The following RSPO2 variants were observed in gnomAD, a reference collection of about 807,000 sequenced individuals.
RSPO2 encodes R-spondin-2.
In RSPO2, 14 loss-of-function variants were observed where a neutral mutation model predicts 30.9. The observed-to-expected ratio is 0.45, with a 90% CI of 0.30 to 0.71. The LOEUF (loss-of-function observed/expected upper bound fraction) is 0.71. Among genes scored for constraint, RSPO2 ranks in the 30% least tolerant of loss-of-function variants. RSPO2 has a pLI of 0.08. For synonymous variants in RSPO2, 107 were observed against 96.4 expected, an observed-to-expected ratio of 1.11 and a Z score of -0.64; for missense variants, 264 against 301.9, an observed-to-expected ratio of 0.87 and a Z score of 0.93.
At chr8:108,021,458 T>C (rs961577105) in intron 2 of RSPO2, among the ~76,000 whole-genome samples, 2 of 152,178 alleles carry the variant, frequency 1.3e-5, no homozygotes, top group African/African-American at 4.8e-5. Flanking sequence ...GGCCCATTCC[T>C]TTTCAGTTTA....
chr8:107,944,987 C>T (rs1388518788), intron 5 of RSPO2, among the ~76,000 whole-genome samples: 5 of 151,906 alleles, frequency 3.3e-5, no homozygotes, highest in African/African-American at 1.2e-4. Context: ...AAACTCTAGG[C>T]CTAGAGTTTC....
At position 107,922,118 on chromosome 8, in the gene RSPO2, A is replaced by C. The variant is rs1256881574; in HGVS notation, c.617-20928T>G. On this transcript the variant is annotated intron_variant, in intron 5 of 5. Transcript: ENST00000276659. Reference sequence around the variant, plus strand: ...CTGGCCAGAACAACCAGGCAAACAAAAGAAGTACAGGGCATCCAAATAAAA... The same window carrying C: ...CTGGCCAGAACAACCAGGCAAACAACAGAAGTACAGGGCATCCAAATAAAA... 2.0e-5 allele frequency among the ~76,000 whole-genome samples: 3 copies of C among 151,130 alleles called. No homozygotes were observed. In the East Asian group the frequency reaches 5.8e-4, roughly 29 times the overall value.
intron 5 of RSPO2, among the ~76,000 whole-genome samples, chr8:107,941,586 T>G (rs1347445079): frequency 2.6e-5 from 4 of 152,206 alleles, no homozygotes. Context: ...CATAAATTAC[T>G]TAAGATATAA....
intron 5 of RSPO2, among the ~76,000 whole-genome samples, chr8:107,922,161 A>G (rs908980593): frequency 6.6e-6 from 1 of 152,052 alleles, no homozygotes; most frequent in Non-Finnish European, 1.5e-5. Flanking sequence ...AAGTCAAACT[A>G]TCCCTATTTG....
intron 2 of RSPO2, among the ~76,000 whole-genome samples, chr8:108,059,552 C>G (rs1472948998): frequency 2.0e-5 from 3 of 150,718 alleles, no homozygotes; most frequent in African/African-American, 7.4e-5. Flanking sequence ...CACATGCACA[C>G]GTATGTTTAT....
intron 2 of RSPO2, among the ~76,000 whole-genome samples, chr8:108,074,502 AC>A (rs979303940): frequency 3.3e-5 from 5 of 152,232 alleles, no homozygotes; most frequent in African/African-American, 1.2e-4. Context: ...TTTAAAAATT[AC>A]CAATGCAAGT....
chr8:108,023,567 C>T (rs1381214049), intron 2 of RSPO2, among the ~76,000 whole-genome samples: 2 of 152,182 alleles, frequency 1.3e-5, no homozygotes, highest in Non-Finnish European at 2.9e-5. Context: ...TTAAGATTGG[C>T]TTCCTCTTAG....
At chr8:108,067,153 A>T (rs7005475) in intron 2 of RSPO2, among the ~76,000 whole-genome samples, 1 of 152,010 alleles carries the variant, frequency 6.6e-6, no homozygotes, top group Non-Finnish European at 1.5e-5. Flanking sequence ...GAAGGAAGTA[A>T]TACCCTAGAA....
intron 3 of RSPO2, among the ~76,000 whole-genome samples, chr8:107,963,728 G>T (rs139040828): frequency 1.1e-4 from 16 of 152,024 alleles, no homozygotes; most frequent in African/African-American, 3.6e-4. Context: ...AAGTATCATA[G>T]AAAAGGTTAT....
chr8:107,989,143 C>T lies in RSPO2; in HGVS notation c.196G>A (p.Glu66Lys), dbSNP rs745308347. Reference sequence around the variant, plus strand: ...CACTCTCCATACTGGCGCATCCCTTCTCTTCGAAGGAAGAAGAACAACTTC... The same window carrying T: ...CACTCTCCATACTGGCGCATCCCTTTTCTTCGAAGGAAGAAGAACAACTTC... ...QQKLFFFLRR[E>K]GMRQYGECLH... The change falls in exon 3 of 6, where the codon GAA becomes AAA. Residue 66 changes from glutamate (E) to lysine (K), a missense_variant. Physicochemically the swap from Glu to Lys is moderately conservative, Grantham distance 56. Coordinates refer to ENST00000276659, the MANE Select transcript of RSPO2 (RefSeq NM_178565.5). 1 of 1,612,544 alleles carries T rather than the reference C, an allele frequency of 6.2e-7. No individual in the cohort carries two copies. Among genetic ancestry groups the T allele is most frequent in the East Asian group, 2.2e-5 (1 of 44,826 alleles).
At chr8:107,935,373 T>G (rs1380928312) in intron 5 of RSPO2, among the ~76,000 whole-genome samples, 2 of 152,174 alleles carry the variant, frequency 1.3e-5, no homozygotes, top group Non-Finnish European at 2.9e-5. Flanking sequence ...ATATTTACCT[T>G]AGAATTTTGT....
In RSPO2 at chr8:107,919,696, T is replaced by TTTCA. The variant is rs558513691; in HGVS notation, c.617-18510_617-18507dup. Among the ~76,000 whole-genome samples the TTTCA allele has an allele frequency of 2.6e-4, 40 of 152,092 alleles. 1 individual carries two copies. The highest frequency in any genetic ancestry group is 1.5e-3 in the Admixed American group (23 of 15,250). On this transcript the variant is annotated intron_variant, in intron 5 of 5. Transcript: ENST00000276659. ...AGATGACAGCTTCAGCTCCCTATTA[T>TTTCA]TTCATCTCTGACCTGACCAATCAGC... is the stretch of plus-strand genomic sequence containing the variant.
chr8:108,081,293 A>G (rs541321383), intron 2 of RSPO2, among the ~76,000 whole-genome samples: 99 of 152,296 alleles, frequency 6.5e-4, no homozygotes, highest in African/African-American at 1.9e-3. Context: ...AAAGCCATCA[A>G]AAAAATAAGG....
At chr8:107,902,623 T>A (rs772489897) in intron 5 of RSPO2, among the ~76,000 whole-genome samples, 9 of 152,052 alleles carry the variant, frequency 5.9e-5, no homozygotes, top group Non-Finnish European at 1.2e-4. Flanking sequence ...AAGGTAGATG[T>A]TTCTTATTTC....
At position 107,983,297 on chromosome 8, in the gene RSPO2, G is replaced by C. The variant is rs61734747; in HGVS notation, c.283+5759C>G. ...GCTCATCTTTCACTGGAATTGCAAA[G>C]GGATAGCCATATGAAACAGCTCCTC... On this transcript the variant is annotated intron_variant, in intron 3 of 5. Transcript: ENST00000276659. 2.5e-3 allele frequency: 4,047 copies of C among 1,603,326 alleles called. 93 individuals are homozygous for C. The African/African-American group carries it at 0.047, about 18-fold the overall frequency.
chr8:108,028,191 T>C (rs1048039280), intron 2 of RSPO2, among the ~76,000 whole-genome samples: 4 of 152,134 alleles, frequency 2.6e-5, no homozygotes, highest in African/African-American at 9.7e-5. Context: ...GACCTAGCAA[T>C]TGACCTTCTT....
chr8:108,038,019 A>G (rs1327812210), intron 2 of RSPO2, among the ~76,000 whole-genome samples: 1 of 152,204 alleles, frequency 6.6e-6, no homozygotes, highest in Non-Finnish European at 1.5e-5. Flanking sequence ...TTATTATTTA[A>G]TAAATATTTC....
intron 2 of RSPO2, among the ~76,000 whole-genome samples, chr8:108,056,037 A>G (rs889316174): frequency 1.3e-5 from 2 of 152,196 alleles, no homozygotes; most frequent in African/African-American, 4.8e-5. Context: ...GATGGAGAGA[A>G]AAATAGGTCT....
At chr8:108,073,993 G>A (rs562130959) in intron 2 of RSPO2, among the ~76,000 whole-genome samples, 1 of 152,290 alleles carries the variant, frequency 6.6e-6, no homozygotes, top group East Asian at 1.9e-4. Context: ...GGAAAGAGAT[G>A]AAACTTGGAC....
Sources: allele counts gnomAD v4.1 joint callset (sites outside exome capture counted in the v4.1 genomes callset), GRCh38; gene constraint gnomAD v4.1.1; transcripts MANE v1.5; gene names NCBI Gene and HGNC (gene_info 2026-07-23, HGNC 2026-07-21).